CCDC148: variants seen among roughly 807,000 people sequenced by gnomAD.
CCDC148 encodes coiled-coil domain-containing protein 148.
CCDC148 carries 89 observed loss-of-function variants against 85.7 expected under a neutral mutation model. The ratio of observed to expected loss-of-function variants is 1.04; its 90% CI spans 0.87 to 1.24. The LOEUF is 1.24. CCDC148 is among the 50% of genes most tolerant of loss of function. CCDC148 has a pLI of 0.00. For missense variants in CCDC148, 692 were observed against 671.7 expected, an observed-to-expected ratio of 1.03 and a Z score of -0.33; for synonymous variants, 230 against 213.9, an observed-to-expected ratio of 1.08 and a Z score of -0.66.
intron 1 of CCDC148, among the ~76,000 whole-genome samples, chr2:158,368,601 T>G (rs897664266): frequency 6.6e-6 from 1 of 152,124 alleles, no homozygotes; most frequent in Non-Finnish European, 1.5e-5. Context: ...GCCTTTTAGA[T>G]CTACTCAATT....
rs1688747399 is a variant in CCDC148, at chr2:158,456,466, G to C, written c.-27C>G. The C allele has an allele frequency of 6.2e-7, 1 of 1,607,382 alleles. No homozygotes were observed. Among genetic ancestry groups the C allele is most frequent in the African/African-American group, 1.3e-5 (1 of 74,964 alleles). ...TCAAAGGTCAAAGGGCATAGCCTCA[G>C]GGACTCCCCAAACGCAGGAAAAGTG... On this transcript the variant is annotated 5_prime_UTR_variant, in exon 1 of 14. Coordinates refer to ENST00000283233, the MANE Select transcript of CCDC148 (RefSeq NM_138803.4).
chr2:158,322,847 T>C (rs1692582494), intron 7 of CCDC148, among the ~76,000 whole-genome samples: 1 of 152,086 alleles, frequency 6.6e-6, no homozygotes, highest in Non-Finnish European at 1.5e-5. Flanking sequence ...AGAATATTAA[T>C]TATAAACTAA....
rs906205905 is a variant in CCDC148 at position 158,199,255 on chromosome 2, AT to A, written c.1371-20260del. On this transcript the variant is annotated intron_variant, in intron 11 of 13. Coordinates refer to ENST00000283233, the MANE Select transcript of CCDC148 (RefSeq NM_138803.4). ...TTTAAATTTTAATTTTTATTTATAT[AT>A]TTTTTTGAGACAAAGTCTCATTCTG... Among the ~76,000 whole-genome samples, 8 of 151,928 alleles carry A rather than the reference AT, an allele frequency of 5.3e-5. No homozygotes were observed. The East Asian group carries it at 5.8e-4, about 11-fold the overall frequency.
At chr2:158,435,031 G>A (rs542150826) in intron 1 of CCDC148, among the ~76,000 whole-genome samples, 4 of 152,160 alleles carry the variant, frequency 2.6e-5, no homozygotes, top group African/African-American at 9.7e-5. Flanking sequence ...GGGGAGAATG[G>A]AACCAAGTTG....
chr2:158,351,756 C>G (rs985761396), intron 2 of CCDC148, among the ~76,000 whole-genome samples: 1 of 152,130 alleles, frequency 6.6e-6, no homozygotes, highest in African/African-American at 2.4e-5. Context: ...CCTCTGTAGG[C>G]TCCACCTCTG....
chr2:158,219,439 G>A (rs1182716441), intron 11 of CCDC148, among the ~76,000 whole-genome samples: 1 of 152,148 alleles, frequency 6.6e-6, no homozygotes, highest in Non-Finnish European at 1.5e-5. Flanking sequence ...AAAATATTAA[G>A]CAGTGTCAGA....
At chr2:158,276,595 C>CAAAACAAAACAA (rs2105168469) in intron 9 of CCDC148, among the ~76,000 whole-genome samples, 1 of 135,546 alleles carries the variant, frequency 7.4e-6, no homozygotes, top group Non-Finnish European at 1.6e-5. Context: ...CAAAACAAAA[C>CAAAACAAAACAA]AACTGCCTCA....
chr2:158,218,402 A>T (rs1687001934), intron 11 of CCDC148, among the ~76,000 whole-genome samples: 1 of 152,186 alleles, frequency 6.6e-6, no homozygotes, highest in South Asian at 2.1e-4. Flanking sequence ...TTAGTATCTT[A>T]TAATATGCTT....
intron 1 of CCDC148, among the ~76,000 whole-genome samples, chr2:158,450,348 T>C (rs1482698563): frequency 2.0e-5 from 3 of 152,234 alleles, no homozygotes; most frequent in Non-Finnish European, 4.4e-5. Flanking sequence ...AGCCCTCTAC[T>C]GTGGTGATCA....
chr2:158,414,949 G>C (rs1686428276), intron 1 of CCDC148, among the ~76,000 whole-genome samples: 1 of 152,074 alleles, frequency 6.6e-6, no homozygotes, highest in Admixed American at 6.5e-5. Flanking sequence ...AATGTAAAAA[G>C]TGTAAACGTC....
Position 158,338,708 on chromosome 2 carries a change from T to C in CCDC148, c.764+18A>G. 1 of 1,569,746 alleles carries C rather than the reference T, an allele frequency of 6.4e-7. No homozygotes were observed. Among genetic ancestry groups the C allele is most frequent in the Non-Finnish European group, 8.6e-7 (1 of 1,159,610 alleles). ...TTAGTGTCAAAAGTCTACACAGGACTCAGTTTTATCTTATCACCTGTATAT... is the reference window on the plus strand; with the variant it reads ...TTAGTGTCAAAAGTCTACACAGGACCCAGTTTTATCTTATCACCTGTATAT... On this transcript the variant is annotated intron_variant, in intron 7 of 13. Transcript: ENST00000283233.
At chr2:158,290,127 T>C (rs1282236983) in intron 9 of CCDC148, among the ~76,000 whole-genome samples, 1 of 152,002 alleles carries the variant, frequency 6.6e-6, no homozygotes, top group Admixed American at 6.5e-5. Flanking sequence ...GAGATGCAGA[T>C]ATGCAGGTTG....
intron 3 of CCDC148, 129 bp from the exon 4 acceptor site, chr2:158,340,809 C>A (rs1250512583): frequency 3.2e-6 from 2 of 620,108 alleles, no homozygotes; most frequent in Non-Finnish European, 5.6e-6. Flanking sequence ...GTACTAAATT[C>A]CTAACATGGC....
intron 1 of CCDC148, among the ~76,000 whole-genome samples, chr2:158,404,584 A>C (rs904309403): frequency 6.6e-6 from 1 of 152,176 alleles, no homozygotes; most frequent in African/African-American, 2.4e-5. Context: ...AAGTTTTTAA[A>C]ATTTGCTTTG....
intron 11 of CCDC148, among the ~76,000 whole-genome samples, chr2:158,189,908 G>T (rs974944339): frequency 1.3e-5 from 2 of 151,858 alleles, no homozygotes; most frequent in African/African-American, 4.8e-5. Flanking sequence ...ATAAATGAAA[G>T]AAACATAGAA....
At chr2:158,454,338 A>T (rs1573852824) in intron 1 of CCDC148, among the ~76,000 whole-genome samples, 1 of 152,362 alleles carries the variant, frequency 6.6e-6, no homozygotes, top group Admixed American at 6.5e-5. Context: ...GAGAGGGTGT[A>T]ACACATCATG....
intron 9 of CCDC148, among the ~76,000 whole-genome samples, chr2:158,306,998 G>A (rs1214841846): frequency 2.2e-5 from 3 of 135,120 alleles, no homozygotes; most frequent in African/African-American, 5.7e-5. Flanking sequence ...CACCCTGGGC[G>A]ACAGAGCAAG....
chr2:158,332,732 GA>G (rs889019449), intron 7 of CCDC148, among the ~76,000 whole-genome samples: 18 of 151,950 alleles, frequency 1.2e-4, no homozygotes, highest in African/African-American at 4.4e-4. Flanking sequence ...TCTACTCAGG[GA>G]TTCGACTTCT....
At position 158,374,667 on chromosome 2, in the gene CCDC148, G is replaced by GTGTATATATATACATATATA. The variant is rs1190770331; in HGVS notation, c.26-16117_26-16098dup. Among the ~76,000 whole-genome samples the GTGTATATATATACATATATA allele has an allele frequency of 2.3e-5, 3 of 133,320 alleles. No individual in the cohort carries two copies. The East Asian group carries it at 8.2e-4, about 37-fold the overall frequency. The allele number at this position is 133,320 out of a possible 152,430, so 87.5% of individuals were successfully genotyped here. A position where few individuals can be genotyped will look rare whatever the true frequency, so the allele number is the denominator to read the frequency against. Reference sequence around the variant, plus strand: ...ATTTTTACAGTGATTTTATATATGAGTGTATATATATACATATATATGTGT... The same window carrying GTGTATATATATACATATATA: ...ATTTTTACAGTGATTTTATATATGAGTGTATATATATACATATATATGTATATATATACATATATATGTGT... On this transcript the variant is annotated intron_variant, in intron 1 of 13. Transcript: ENST00000283233.
Sources: allele counts gnomAD v4.1 joint callset (sites outside exome capture counted in the v4.1 genomes callset), GRCh38; gene constraint gnomAD v4.1.1; transcripts MANE v1.5; gene names NCBI Gene and HGNC (gene_info 2026-07-23, HGNC 2026-07-21).